The following FHIT variants were observed in gnomAD, a reference collection of about 807,000 sequenced individuals.
The protein encoded by FHIT is fragile histidine triad diadenosine triphosphatase.
FHIT carries 19 observed loss-of-function variants against 17.9 expected under a neutral mutation model. The observed-to-expected ratio is 1.06, with a 90% CI of 0.74 to 1.56. The LOEUF (loss-of-function observed/expected upper bound fraction) is 1.56. Ranked by LOEUF, FHIT falls within the 40% of genes most tolerant of loss-of-function variation. The pLI is 0.00. For synonymous variants in FHIT, 81 were observed against 69.7 expected (o/e 1.16, Z -0.81); for missense variants, 248 against 189.2 (o/e 1.31, Z -1.82).
chr3:60,862,938 T>C (rs538598663), intron 3 of FHIT, among the ~76,000 whole-genome samples: 1 of 152,030 alleles, frequency 6.6e-6, no homozygotes, highest in Admixed American at 6.6e-5. Flanking sequence ...AGCAGATGTA[T>C]CAAGGTTACT....
intron 4 of FHIT, among the ~76,000 whole-genome samples, chr3:60,609,590 G>A (rs1217772092): frequency 1.3e-5 from 2 of 152,130 alleles, no homozygotes; most frequent in African/African-American, 4.8e-5. Context: ...CTCCCACAGT[G>A]CTGGAATTAC....
chr3:60,004,757 T>C (rs1013951707), intron 7 of FHIT, among the ~76,000 whole-genome samples: 40 of 152,328 alleles, frequency 2.6e-4, no homozygotes, highest in African/African-American at 8.7e-4. Context: ...TATGTGATTT[T>C]TTTTCTTTAA....
intron 2 of FHIT, among the ~76,000 whole-genome samples, chr3:61,074,173 C>G (rs577017204): frequency 3.2e-4 from 49 of 152,246 alleles, no homozygotes; most frequent in Admixed American, 1.6e-3. Context: ...GCCTTCAGTA[C>G]TAAGTGAAAA....
At chr3:59,780,585 A>G (rs1702537256) in intron 8 of FHIT, among the ~76,000 whole-genome samples, 1 of 152,148 alleles carries the variant, frequency 6.6e-6, no homozygotes, top group Admixed American at 6.5e-5. Context: ...CAGTTAAGAT[A>G]TTTGTTAGTA....
intron 8 of FHIT, among the ~76,000 whole-genome samples, chr3:59,905,094 G>T (rs539571089): frequency 3.3e-5 from 5 of 152,180 alleles, no homozygotes; most frequent in African/African-American, 1.2e-4. Flanking sequence ...CTTGAGGTGG[G>T]GTTTCACTGG....
intron 3 of FHIT, among the ~76,000 whole-genome samples, chr3:61,016,147 C>A (rs1441373520): frequency 6.6e-6 from 1 of 152,132 alleles, no homozygotes; most frequent in Non-Finnish European, 1.5e-5. Context: ...AGCTCATAAG[C>A]CACCTGATTT....
intron 7 of FHIT, among the ~76,000 whole-genome samples, chr3:59,999,201 T>G (rs1481846920): frequency 6.6e-6 from 1 of 152,056 alleles, no homozygotes; most frequent in African/African-American, 2.4e-5. Context: ...CCTGCATATT[T>G]TAAAAAAGGG....
intron 8 of FHIT, among the ~76,000 whole-genome samples, chr3:59,847,342 C>T (rs188896353): frequency 6.6e-6 from 1 of 152,054 alleles, no homozygotes; most frequent in Admixed American, 6.5e-5. Flanking sequence ...TTAATTCTTT[C>T]TTCTGCCTGT....
intron 5 of FHIT, among the ~76,000 whole-genome samples, chr3:60,323,659 C>T (rs1177458219): frequency 2.6e-5 from 4 of 152,176 alleles, no homozygotes; most frequent in South Asian, 4.1e-4. Context: ...ACTATCATTC[C>T]GGTCTGTCTT....
intron 5 of FHIT, among the ~76,000 whole-genome samples, chr3:60,094,741 G>T (rs757550861): frequency 7.2e-5 from 11 of 151,964 alleles, no homozygotes; most frequent in Non-Finnish European, 1.3e-4. Context: ...GCTGGGTGCT[G>T]CTGGCACTGT....
chr3:60,507,387 G>A (rs1201581844), intron 5 of FHIT, among the ~76,000 whole-genome samples: 2 of 152,180 alleles, frequency 1.3e-5, no homozygotes, highest in Non-Finnish European at 2.9e-5. Context: ...AAAGACTGAA[G>A]CAAGACCAGA....
chr3:60,006,624 A>G (rs1450209814), intron 7 of FHIT, among the ~76,000 whole-genome samples: 1 of 151,746 alleles, frequency 6.6e-6, no homozygotes, highest in Non-Finnish European at 1.5e-5. Context: ...CTCCACTATC[A>G]TTCAATATAA....
chr3:60,286,905 A>T (rs568265731), intron 5 of FHIT, among the ~76,000 whole-genome samples: 41 of 152,246 alleles, frequency 2.7e-4, no homozygotes, highest in African/African-American at 8.9e-4. Context: ...CTTCCCTGCA[A>T]AAAAAAGTTA....
intron 3 of FHIT, among the ~76,000 whole-genome samples, chr3:60,924,072 C>G (rs1037572288): frequency 2.6e-5 from 4 of 152,146 alleles, no homozygotes; most frequent in South Asian, 2.1e-4. Flanking sequence ...AGCTCGAACT[C>G]GGTGGAGCCC....
At chr3:61,039,739 A>C (rs1038239087) in intron 3 of FHIT, among the ~76,000 whole-genome samples, 1 of 152,158 alleles carries the variant, frequency 6.6e-6, no homozygotes, top group Admixed American at 6.5e-5. Flanking sequence ...CATTAGGAGA[A>C]ATACCTAATG....
At chr3:60,569,755 A>ATATATATATATATATTT in intron 4 of FHIT, among the ~76,000 whole-genome samples, 61 of 77,318 alleles carry the variant, frequency 7.9e-4, no homozygotes, top group Middle Eastern at 8.8e-3. Context: ...ATATATATAT[A>ATATATATATATATATTT]TTTTTTTTTT....
chr3:60,991,128 C>G (rs1274869031), intron 3 of FHIT, among the ~76,000 whole-genome samples: 5 of 152,064 alleles, frequency 3.3e-5, no homozygotes, highest in African/African-American at 1.2e-4. Context: ...GAGGGACTCT[C>G]TAGGAAGGTG....
rs573498524 is a variant in FHIT at position 60,169,670 on chromosome 3, G to A, written c.104-155518C>T. On this transcript the variant is annotated intron_variant, in intron 5 of 9. Transcript: ENST00000492590. ...AATATCCTAAGTCAGTAAAAGGTCA[G>A]TGACAGGGAAGATTCTTCCACATCT... Among the ~76,000 whole-genome samples the A allele has an allele frequency of 2.0e-5, 3 of 152,186 alleles. No homozygotes were observed. The South Asian group carries it at 6.2e-4, about 31-fold the overall frequency.
intron 4 of FHIT, among the ~76,000 whole-genome samples, chr3:60,776,053 G>A (rs552697237): frequency 2.5e-4 from 38 of 152,010 alleles, no homozygotes; most frequent in Non-Finnish European, 4.4e-4. Context: ...AGAAGATGTT[G>A]TACTAGGCTA....
Sources: allele counts gnomAD v4.1 joint callset (sites outside exome capture counted in the v4.1 genomes callset), GRCh38; gene constraint gnomAD v4.1.1; transcripts MANE v1.5; gene names NCBI Gene and HGNC (gene_info 2026-07-23, HGNC 2026-07-21).